Variants in PARG observed in about 807,000 individuals in gnomAD.
PARG encodes the protein poly(ADP-ribose) glycohydrolase.
A neutral mutation model predicts 113.0 loss-of-function variants in PARG; 35 were observed. The ratio of observed to expected loss-of-function variants is 0.31; its 90% CI spans 0.24 to 0.41. PARG has a LOEUF of 0.41. Ranked by LOEUF, PARG falls within the 10% of genes least tolerant of loss-of-function variation. The pLI is 1.00. For synonymous variants in PARG, 330 were observed against 409.9 expected, an observed-to-expected ratio of 0.81 and a Z score of 2.36; for missense variants, 797 against 1,169.4, an observed-to-expected ratio of 0.68 and a Z score of 4.64.
In PARG at chr10:49,857,343, A is replaced by T. The variant is rs1350945116; in HGVS notation, c.2316T>A (p.Thr772=). ...GACATTCATTGTGATCCAGCACCTC[A>T]GTGAAGAGCCGTGAAATAATCAACT... The part of the protein sequence containing the change: ...NPELIISRLF[T]EVLDHNECLI... Residue 772 remains threonine (T), a synonymous_variant, in exon 13 of 18, where the codon ACT becomes ACA. Coordinates refer to ENST00000616448, the MANE Select transcript of PARG (RefSeq NM_003631.5). 5 of 1,254,234 alleles carry T rather than the reference A, an allele frequency of 4.0e-6. No homozygotes were observed. Among genetic ancestry groups the T allele is most frequent in the Non-Finnish European group, 5.8e-6 (5 of 869,250 alleles). 77.7% of individuals were successfully genotyped at this position (1,254,234 alleles called of 1,614,324 possible). A position where few individuals can be genotyped will look rare whatever the true frequency, so the allele number is the denominator to read the frequency against.
intron 1 of PARG, among the ~76,000 whole-genome samples, chr10:49,939,556 T>C (rs1257775486): frequency 2.6e-5 from 4 of 152,342 alleles, no homozygotes; most frequent in Middle Eastern, 3.4e-3. Flanking sequence ...TTCTAAAATA[T>C]TAACCAAATG....
chr10:49,892,379 G>T (rs1847850578), intron 7 of PARG, among the ~76,000 whole-genome samples: 1 of 151,978 alleles, frequency 6.6e-6, no homozygotes, highest in African/African-American at 2.4e-5. Flanking sequence ...GAGAACTTAG[G>T]TGTGTGTGCA....
chr10:49,882,879 T>TCA (rs1847281655), intron 8 of PARG, among the ~76,000 whole-genome samples: 1 of 142,360 alleles, frequency 7.0e-6, no homozygotes, highest in Non-Finnish European at 1.5e-5. Context: ...GGATGAACCT[T>TCA]GCCTGGGAGG....
chr10:49,912,844 T>C (rs1197396735), intron 7 of PARG, among the ~76,000 whole-genome samples: 1 of 152,074 alleles, frequency 6.6e-6, no homozygotes, highest in Non-Finnish European at 1.5e-5. Flanking sequence ...AGCACATGCC[T>C]GTAGTCCCAG....
Position 49,887,133 on chromosome 10 carries a change from T to C in PARG, c.1738-1838A>G, listed in dbSNP as rs1554840583. ...GGCATGACCATAGCTCACTGTAACC[T>C]TGAACTCCTGGGCTCAAAAAATCTC... is the stretch of plus-strand genomic sequence containing the variant. On this transcript the variant is annotated intron_variant, in intron 7 of 17. Coordinates refer to ENST00000616448, the MANE Select transcript of PARG (RefSeq NM_003631.5). 1.7e-4 allele frequency among the ~76,000 whole-genome samples: 26 copies of C among 152,186 alleles called. No homozygotes were observed. The South Asian group carries it at 4.4e-3, about 26-fold the overall frequency.
At chr10:49,876,282 C>T (rs1296037268) in intron 9 of PARG, among the ~76,000 whole-genome samples, 3 of 151,984 alleles carry the variant, frequency 2.0e-5, no homozygotes, top group East Asian at 2.0e-4. Context: ...AACCACCTCT[C>T]CTTCTCCTTG....
chr10:49,922,789 C>T, intron 4 of PARG, 120 bp from the exon 5 acceptor site: 1 of 751,428 alleles, frequency 1.3e-6, no homozygotes, highest in Admixed American at 2.7e-5. Context: ...GGCAAGAAAT[C>T]ACCAAAGAAC....
In PARG at chr10:49,842,024, C is replaced by T. The variant is rs1845266123; in HGVS notation, c.2467G>A (p.Ala823Thr). The part of the protein sequence containing the change: ...DWQRRCTEIV[A>T]IDALHFRRYL... ...CGTCTGAAGTGAAGAGCATCGATGG[C>T]AACGATCTCAGTGCAGCGCCGCTGC... Residue 823 changes from alanine (A) to threonine (T), a missense_variant, in exon 15 of 18, where the codon GCC (alanine) becomes ACC (threonine). This residue lies in a region of PARG where 194 missense variants were observed against 247.1 expected (regional missense o/e 0.79). Coordinates refer to ENST00000616448, the MANE Select transcript of PARG (RefSeq NM_003631.5). 2 of 1,550,398 alleles carry T rather than the reference C, an allele frequency of 1.3e-6. No individual in the cohort carries two copies. Among genetic ancestry groups the T allele is most frequent in the Admixed American group, 3.9e-5 (2 of 51,008 alleles).
intron 15 of PARG, among the ~76,000 whole-genome samples, chr10:49,837,354 T>G (rs892835415): frequency 4.2e-5 from 6 of 142,724 alleles, no homozygotes; most frequent in Non-Finnish European, 9.2e-5. Flanking sequence ...AAAATGTGGG[T>G]TTTTTTTTTT....
At chr10:49,938,508 T>G (rs2133006291) in intron 1 of PARG, among the ~76,000 whole-genome samples, 1 of 152,318 alleles carries the variant, frequency 6.6e-6, no homozygotes, top group Non-Finnish European at 1.5e-5. Context: ...AACATTCCAC[T>G]TTCACAAAAA....
At position 49,885,277 on chromosome 10, in the gene PARG, C is replaced by CAGA. The variant is rs1554840250; in HGVS notation, c.1755_1756insTCT (p.Glu585_Ala586insSer). ...AAGATGGACTGATATAAATGTTGAGCTTCTGCTTCTTCAAGTACCTGAAAA... is the reference window on the plus strand; with the variant it reads ...AAGATGGACTGATATAAATGTTGAGCAGATTCTGCTTCTTCAAGTACCTGAAAA... On this transcript the variant is annotated inframe_insertion, in exon 8 of 18. Coordinates refer to ENST00000616448, the MANE Select transcript of PARG (RefSeq NM_003631.5). 2 of 1,607,634 alleles carry CAGA rather than the reference C, an allele frequency of 1.2e-6. No homozygotes were observed. The highest frequency in any genetic ancestry group is 1.7e-5 in the Admixed American group (1 of 59,986).
chr10:49,932,827 TAAAA>T (rs1196090081), intron 3 of PARG, among the ~76,000 whole-genome samples: 1 of 127,194 alleles, frequency 7.9e-6, no homozygotes, highest in Non-Finnish European at 1.7e-5. Flanking sequence ...AAACAAAGTG[TAAAA>T]AAAAAAAAAA....
intron 1 of PARG, among the ~76,000 whole-genome samples, chr10:49,936,212 A>G (rs1838730570): frequency 6.6e-6 from 1 of 152,118 alleles, no homozygotes; most frequent in Non-Finnish European, 1.5e-5. Flanking sequence ...AGTCCTTGTG[A>G]GAGTAGTAAA....
intron 8 of PARG, among the ~76,000 whole-genome samples, chr10:49,880,534 T>C (rs1847163052): frequency 6.6e-6 from 1 of 152,230 alleles, no homozygotes; most frequent in Non-Finnish European, 1.5e-5. Flanking sequence ...CCTTTTATTG[T>C]CAGTATAATC....
At chr10:49,845,699 C>T (rs1270193054) in intron 13 of PARG, among the ~76,000 whole-genome samples, 7 of 151,694 alleles carry the variant, frequency 4.6e-5, no homozygotes, top group African/African-American at 1.7e-4. Context: ...TAGTTCGAGA[C>T]CAGCCTAGCC....
chr10:49,880,691 T>C (rs1173119492), intron 8 of PARG, among the ~76,000 whole-genome samples: 2 of 152,008 alleles, frequency 1.3e-5, no homozygotes, highest in Non-Finnish European at 2.9e-5. Flanking sequence ...CACACCATGA[T>C]AGGAAGTGTG....
At chr10:49,841,725 G>A (rs1214369652) in intron 15 of PARG, among the ~76,000 whole-genome samples, 1 of 152,142 alleles carries the variant, frequency 6.6e-6, no homozygotes, top group Non-Finnish European at 1.5e-5. Context: ...CATGTGTGGG[G>A]TTTAAAACTA....
At chr10:49,904,379 G>C (rs1213666706) in intron 7 of PARG, among the ~76,000 whole-genome samples, 1 of 149,640 alleles carries the variant, frequency 6.7e-6, no homozygotes. Flanking sequence ...ACTATGTTAA[G>C]TGCTAGGAAC....
At chr10:49,941,359 A>C (rs1839050681) in intron 1 of PARG, 150 bp downstream of exon 1, 2 of 748,200 alleles carry the variant, frequency 2.7e-6, no homozygotes, top group African/African-American at 3.5e-5. Context: ...CCATTCACCC[A>C]CTAGTGGCTT....
Sources: allele counts gnomAD v4.1 joint callset (sites outside exome capture counted in the v4.1 genomes callset), GRCh38; gene constraint gnomAD v4.1.1; regional missense constraint gnomAD v4.1.1; transcripts MANE v1.5; gene names NCBI Gene and HGNC (gene_info 2026-07-23, HGNC 2026-07-21).